Variants in SDK1 observed in about 807,000 individuals in gnomAD.
SDK1 encodes the protein sidekick cell adhesion molecule 1, also known as protein sidekick-1.
Under a neutral mutation model 245.5 loss-of-function variants are expected in SDK1, and 157 were observed. The observed-to-expected ratio is 0.64, with a 90% CI of 0.56 to 0.73. SDK1 has a LOEUF of 0.73. Among genes scored for constraint, SDK1 ranks in the 30% least tolerant of loss-of-function variants. SDK1 has a pLI of 0.00. For missense variants in SDK1, 3,583 were observed against 3,002.3 expected (o/e 1.19, Z -4.52); for synonymous variants, 1,647 against 1,278.5 (o/e 1.29, Z -6.15).
At position 4,264,946 on chromosome 7, in the gene SDK1, C is replaced by G. The variant is rs1458796191; in HGVS notation, c.6382-178C>G. 2.0e-5 allele frequency among the ~76,000 whole-genome samples: 3 copies of G among 146,814 alleles called. No individual in the cohort carries two copies. In the East Asian group the frequency reaches 6.1e-4, roughly 30 times the overall value. On this transcript the variant is annotated intron_variant, in intron 44 of 44. Coordinates refer to ENST00000404826, the MANE Select transcript of SDK1 (RefSeq NM_152744.4). ...TGGATCAGGGAGGGGGACCTGGGGGCTGCCTGCTCTCCTGTGTGGAGGGTG... is the reference window on the plus strand; with the variant it reads ...TGGATCAGGGAGGGGGACCTGGGGGGTGCCTGCTCTCCTGTGTGGAGGGTG...
chr7:4,256,388 G>C (rs1562486522), intron 44 of SDK1, among the ~76,000 whole-genome samples: 1 of 152,220 alleles, frequency 6.6e-6, no homozygotes, highest in Non-Finnish European at 1.5e-5. Flanking sequence ...TGTGGGCTTT[G>C]GCCTGGTGCC....
intron 1 of SDK1, among the ~76,000 whole-genome samples, chr7:3,387,408 C>T (rs1781637016): frequency 6.6e-6 from 1 of 152,182 alleles, no homozygotes; most frequent in South Asian, 2.1e-4. Flanking sequence ...AAGGTTATTT[C>T]ATTTCTGAAG....
chr7:4,239,467 C>G (rs1786386396), intron 42 of SDK1, among the ~76,000 whole-genome samples: 1 of 152,214 alleles, frequency 6.6e-6, no homozygotes, highest in African/African-American at 2.4e-5. Context: ...TTAAAAACCT[C>G]ATAATTATCA....
chr7:3,482,696 GT>G (rs1456786233), intron 1 of SDK1, among the ~76,000 whole-genome samples: 3 of 152,182 alleles, frequency 2.0e-5, no homozygotes, highest in Non-Finnish European at 4.4e-5. Context: ...TCTTCAAGTA[GT>G]TGTGTACCCA....
chr7:3,858,972 C>A (rs1336403079), intron 5 of SDK1, among the ~76,000 whole-genome samples: 1 of 151,126 alleles, frequency 6.6e-6, no homozygotes, highest in Admixed American at 6.6e-5. Flanking sequence ...ACGGCATTCT[C>A]CTGCCTCAGC....
At chr7:3,946,729 C>T (rs1198944966) in intron 5 of SDK1, among the ~76,000 whole-genome samples, 6 of 152,084 alleles carry the variant, frequency 3.9e-5, no homozygotes, top group Non-Finnish European at 5.9e-5. Context: ...ACAGTGAGGT[C>T]CAGGGAACGG....
At chr7:3,942,316 C>G (rs778477563) in intron 5 of SDK1, among the ~76,000 whole-genome samples, 3 of 152,132 alleles carry the variant, frequency 2.0e-5, no homozygotes, top group Non-Finnish European at 2.9e-5. Context: ...TTCACATGGA[C>G]CAGCCCACCA....
chr7:3,614,238 A>C (rs1019904107), intron 1 of SDK1, among the ~76,000 whole-genome samples: 11 of 152,326 alleles, frequency 7.2e-5, no homozygotes, highest in Non-Finnish European at 1.3e-4. Flanking sequence ...TTCATAAATG[A>C]TTTATGTTCT....
intron 44 of SDK1, among the ~76,000 whole-genome samples, chr7:4,261,816 G>A (rs1054842544): frequency 2.6e-5 from 4 of 152,008 alleles, no homozygotes; most frequent in Non-Finnish European, 5.9e-5. Context: ...CCTGGGAAGC[G>A]TCTTAGCGTT....
chr7:3,977,757 A>C (rs1232555704), intron 13 of SDK1, among the ~76,000 whole-genome samples: 1 of 152,246 alleles, frequency 6.6e-6, no homozygotes, highest in Non-Finnish European at 1.5e-5. Flanking sequence ...TCCTCCTGGA[A>C]CAGAAGCACC....
At chr7:3,736,227 C>G (rs543291620) in intron 4 of SDK1, among the ~76,000 whole-genome samples, 1 of 152,242 alleles carries the variant, frequency 6.6e-6, no homozygotes, top group Non-Finnish European at 1.5e-5. Flanking sequence ...TATTCTCACA[C>G]TTAATATATA....
At chr7:4,053,746 C>T (rs556203602) in intron 19 of SDK1, among the ~76,000 whole-genome samples, 1 of 152,138 alleles carries the variant, frequency 6.6e-6, no homozygotes, top group Admixed American at 6.5e-5. Flanking sequence ...TTTCTTGACC[C>T]TCTGAGACCA....
intron 22 of SDK1, among the ~76,000 whole-genome samples, chr7:4,099,773 G>A (rs1782414607): frequency 6.8e-6 from 1 of 147,618 alleles, no homozygotes; most frequent in Non-Finnish European, 1.5e-5. Context: ...GGGATGTGAT[G>A]GGAGATGGCC....
At chr7:3,739,155 T>C (rs1204383241) in intron 4 of SDK1, among the ~76,000 whole-genome samples, 4 of 152,176 alleles carry the variant, frequency 2.6e-5, no homozygotes, top group East Asian at 1.9e-4. Flanking sequence ...TGATGAGAAG[T>C]CATTCATTCA....
chr7:3,613,413 A>G (rs545781053), intron 1 of SDK1, among the ~76,000 whole-genome samples: 3 of 152,306 alleles, frequency 2.0e-5, no homozygotes, highest in Middle Eastern at 3.4e-3. Context: ...TTCACATAAA[A>G]TTATGATGTT....
chr7:3,418,062 G>A (rs1447059143), intron 1 of SDK1, among the ~76,000 whole-genome samples: 1 of 147,594 alleles, frequency 6.8e-6, no homozygotes, highest in Non-Finnish European at 1.5e-5. Context: ...TTACAACAAA[G>A]GGGTAAAAAT....
At chr7:4,151,722 G>T (rs1446919392) in intron 30 of SDK1, among the ~76,000 whole-genome samples, 2 of 152,142 alleles carry the variant, frequency 1.3e-5, no homozygotes, top group Non-Finnish European at 2.9e-5. Flanking sequence ...CATTTCATAC[G>T]ATCTTTGTAA....
intron 5 of SDK1, among the ~76,000 whole-genome samples, chr7:3,911,443 G>A (rs1779159514): frequency 6.6e-6 from 1 of 152,118 alleles, no homozygotes; most frequent in African/African-American, 2.4e-5. Flanking sequence ...GGTGTCTGGT[G>A]AGGGCTCATT....
intron 1 of SDK1, among the ~76,000 whole-genome samples, chr7:3,343,524 T>C (rs760616256): frequency 3.3e-5 from 5 of 152,210 alleles, no homozygotes; most frequent in Non-Finnish European, 7.3e-5. Flanking sequence ...TGGATGTGGC[T>C]AATGAAAGAG....
Sources: gnomAD v4.1 joint callset for allele counts (sites outside exome capture counted in the v4.1 genomes callset) on GRCh38, gnomAD v4.1.1 for gene constraint, MANE v1.5 for transcripts, NCBI Gene and HGNC (gene_info 2026-07-23, HGNC 2026-07-21) for gene names.